The following NGEF variants were observed in gnomAD, a reference collection of about 807,000 sequenced individuals.
NGEF encodes the protein neuronal guanine nucleotide exchange factor, also known as ephexin-1.
Under a neutral mutation model 80.9 loss-of-function variants are expected in NGEF, and 31 were observed. The observed-to-expected ratio is 0.38, with a 90% CI of 0.29 to 0.52. The LOEUF is 0.52. Among genes scored for constraint, NGEF ranks in the 20% least tolerant of loss-of-function variants. The pLI is 0.84. For synonymous variants in NGEF, 371 were observed against 370.2 expected, an observed-to-expected ratio of 1.00 and a Z score of -0.03; for missense variants, 709 against 926.2, an observed-to-expected ratio of 0.77 and a Z score of 3.04.
chr2:232,929,400 C>A (rs182753829), intron 3 of NGEF, among the ~76,000 whole-genome samples: 2 of 152,296 alleles, frequency 1.3e-5, no homozygotes, highest in African/African-American at 4.8e-5. Context: ...GAAGGGAGCT[C>A]TCCTCCCCAC....
chr2:232,885,796 G>A (rs1401192378), intron 9 of NGEF, among the ~76,000 whole-genome samples: 5 of 152,190 alleles, frequency 3.3e-5, no homozygotes, highest in Non-Finnish European at 7.3e-5. Flanking sequence ...CAATTCTGCA[G>A]TGACACATGG....
intron 13 of NGEF, 137 bp from the exon 14 acceptor site, chr2:232,881,387 G>A (rs1311121543): frequency 7.7e-6 from 5 of 652,212 alleles, no homozygotes; most frequent in African/African-American, 5.4e-5. Flanking sequence ...TGAGGAAGAG[G>A]AGGATTTGTT....
At chr2:232,948,122 G>A (rs1165365817) in intron 3 of NGEF, among the ~76,000 whole-genome samples, 1 of 150,800 alleles carries the variant, frequency 6.6e-6, no homozygotes, top group African/African-American at 2.4e-5. Context: ...TGGGGGCCAT[G>A]GGGTCATTTG....
intron 3 of NGEF, among the ~76,000 whole-genome samples, chr2:232,937,800 G>A (rs1693357871): frequency 6.6e-6 from 1 of 152,164 alleles, no homozygotes; most frequent in African/African-American, 2.4e-5. Flanking sequence ...GGTCAATGAT[G>A]TTTCTTCAAC....
At chr2:232,942,904 CTTTTTTTT>C (rs60735452) in intron 3 of NGEF, among the ~76,000 whole-genome samples, 6 of 117,886 alleles carry the variant, frequency 5.1e-5, no homozygotes, top group East Asian at 2.6e-4. Flanking sequence ...AGTGAAATTT[CTTTTTTTT>C]TTTTTTTTTT....
At chr2:232,911,309 T>C (rs897072864) in intron 5 of NGEF, among the ~76,000 whole-genome samples, 1 of 152,146 alleles carries the variant, frequency 6.6e-6, no homozygotes, top group Admixed American at 6.5e-5. Context: ...CAAATATCAA[T>C]CAACCATACT....
At position 232,885,245 on chromosome 2, in the gene NGEF, A is replaced by T. The variant is rs551445741; in HGVS notation, c.1437+35T>A. Reference sequence around the variant, plus strand: ...CTGGGGCGGGGCCAGGGGCCTGTGCATGGGCACAGGCTCACACCAATCCCA... The same window carrying T: ...CTGGGGCGGGGCCAGGGGCCTGTGCTTGGGCACAGGCTCACACCAATCCCA... On this transcript the variant is annotated intron_variant, in intron 10 of 14. Transcript: ENST00000264051. 7.6e-5 allele frequency: 120 copies of T among 1,582,950 alleles called. 1 individual carries two copies. The South Asian group carries it at 1.2e-3, about 16-fold the overall frequency.
chr2:232,886,273 C>T (rs879535603), intron 9 of NGEF, among the ~76,000 whole-genome samples: 14 of 105,882 alleles, frequency 1.3e-4, no homozygotes, highest in Admixed American at 5.6e-4. Flanking sequence ...ATGTAGGGGC[C>T]GTGTATGTGT....
intron 1 of NGEF, among the ~76,000 whole-genome samples, chr2:232,986,840 A>G (rs1694541422): frequency 6.6e-6 from 1 of 152,228 alleles, no homozygotes. Context: ...TACACGATGT[A>G]TATATCTATC....
At chr2:232,943,783 C>T (rs955377025) in intron 3 of NGEF, among the ~76,000 whole-genome samples, 1 of 151,518 alleles carries the variant, frequency 6.6e-6, no homozygotes, top group African/African-American at 2.4e-5. Flanking sequence ...GCGTGAGCCA[C>T]TGTGCCCGGC....
intron 2 of NGEF, among the ~76,000 whole-genome samples, chr2:232,973,064 C>T (rs1694226925): frequency 6.6e-6 from 1 of 151,996 alleles, no homozygotes; most frequent in African/African-American, 2.4e-5. Context: ...GCCGTCCTTA[C>T]CCATTTGTCA....
At chr2:232,901,582 C>CCCGCCCT in intron 5 of NGEF, 2 of 266,014 alleles carry the variant, frequency 7.5e-6, no homozygotes, top group Non-Finnish European at 5.8e-6. Flanking sequence ...GAAGGGCGGG[C>CCCGCCCT]TCACTGGCTG....
intron 5 of NGEF, among the ~76,000 whole-genome samples, chr2:232,902,958 C>T (rs1692398122): frequency 6.6e-6 from 1 of 152,174 alleles, no homozygotes; most frequent in African/African-American, 2.4e-5. Context: ...CGCGCCACTG[C>T]ACTCCAGCAT....
intron 3 of NGEF, among the ~76,000 whole-genome samples, chr2:232,958,195 G>T (rs1693871412): frequency 6.6e-6 from 1 of 152,112 alleles, no homozygotes; most frequent in Non-Finnish European, 1.5e-5. Flanking sequence ...TATTGCTGAG[G>T]GTACTTGGTC....
intron 4 of NGEF, among the ~76,000 whole-genome samples, chr2:232,923,789 C>T (rs945359114): frequency 6.6e-6 from 1 of 152,188 alleles, no homozygotes; most frequent in African/African-American, 2.4e-5. Context: ...AAGGCATAGC[C>T]TGGCTGCAGT....
chr2:232,881,240 C>T lies in NGEF; in HGVS notation c.1848G>A (p.Gln616=). 1.2e-6 allele frequency: 2 copies of T among 1,607,786 alleles called. No individual in the cohort carries two copies. The highest frequency in any genetic ancestry group is 8.5e-7 in the Non-Finnish European group (1 of 1,179,948). Residue 616 remains glutamine, a synonymous_variant, in exon 14 of 15, where the codon CAG becomes CAA. Transcript: ENST00000264051. ...SFTSRLLDCP[Q]VQCVHPYVAQ... is the part of the protein sequence containing the mutation. ...CCACGTATGGGTGCACGCACTGGAC[C>T]TGGGGGCAGTCTGAGGGACAAGAGG...
chr2:232,992,324 G>A (rs916942252), intron 1 of NGEF, among the ~76,000 whole-genome samples: 1 of 152,012 alleles, frequency 6.6e-6, no homozygotes, highest in Non-Finnish European at 1.5e-5. Flanking sequence ...TTGGGGGGCC[G>A]AGGCTGATGT....
At chr2:232,904,911 C>G (rs1005186484) in intron 5 of NGEF, among the ~76,000 whole-genome samples, 2 of 152,196 alleles carry the variant, frequency 1.3e-5, no homozygotes, top group African/African-American at 4.8e-5. Context: ...CCACTGCACT[C>G]CCGCCTGGGC....
chr2:232,964,096 T>A (rs1471314236), intron 3 of NGEF, among the ~76,000 whole-genome samples: 1 of 152,160 alleles, frequency 6.6e-6, no homozygotes, highest in African/African-American at 2.4e-5. Context: ...TTCCAAGAGT[T>A]GACAAGGATC....
Sources: gnomAD v4.1 joint callset for allele counts (sites outside exome capture counted in the v4.1 genomes callset) on GRCh38, gnomAD v4.1.1 for gene constraint, MANE v1.5 for transcripts, NCBI Gene and HGNC (gene_info 2026-07-23, HGNC 2026-07-21) for gene names.